GPAM: variants seen among roughly 807,000 people sequenced by gnomAD.
GPAM encodes glycerol-3-phosphate acyltransferase, mitochondrial.
A neutral mutation model predicts 105.0 loss-of-function variants in GPAM; 56 were observed. The ratio of observed to expected loss-of-function variants is 0.53; its 90% confidence interval spans 0.43 to 0.67. GPAM has a LOEUF of 0.67. GPAM is among the 30% of genes least tolerant of loss of function. The probability of loss-of-function intolerance (pLI) is 0.00; values close to 1 mark genes in which losing one functional copy is unlikely to be tolerated. For missense variants in GPAM, 855 were observed against 989.8 expected (o/e 0.86, Z 1.83); for synonymous variants, 368 against 354.4 (o/e 1.04, Z -0.43).
At chr10:112,209,325 TAG>T (rs1847885276) in intron 1 of GPAM, among the ~76,000 whole-genome samples, 2 of 151,624 alleles carry the variant, frequency 1.3e-5, no homozygotes, top group African/African-American at 4.9e-5. Context: ...ATCGGATGAT[TAG>T]AGAGCACATT....
chr10:112,159,216 CTTTTTT>C (rs35513817), intron 17 of GPAM, among the ~76,000 whole-genome samples: 3 of 86,984 alleles, frequency 3.4e-5, no homozygotes, highest in Non-Finnish European at 6.5e-5. Flanking sequence ...AGATGATTTT[CTTTTTT>C]TTTTTTTTTT....
At chr10:112,215,050 C>G (rs1289422235) in intron 1 of GPAM, 1 of 152,258 alleles carries the variant, frequency 6.6e-6, no homozygotes. Flanking sequence ...TTTCTTCTTC[C>G]TACTGTGTCT....
intron 16 of GPAM, chr10:112,160,377 T>A (rs1325448410): frequency 2.4e-5 from 23 of 971,340 alleles, no homozygotes; most frequent in Non-Finnish European, 2.8e-5. Context: ...CAAGACACTC[T>A]ACCTCTCCTG....
chr10:112,153,177 G>T lies in GPAM; in HGVS notation c.*373C>A. The T allele has an allele frequency of 9.1e-7, 1 of 1,100,136 alleles. No homozygotes were observed. Among genetic ancestry groups the T allele is most frequent in the Non-Finnish European group, 1.1e-6 (1 of 895,016 alleles). The allele number at this position is 1,100,136 out of a possible 1,614,324, so 68.1% of individuals were successfully genotyped here. A position where few individuals can be genotyped will look rare whatever the true frequency, so the allele number is the denominator to read the frequency against. ...TACCCAGCAGCACTAAGTATACCAT[G>T]TAAGATTCAGTTCCAGAACACAGCT... On this transcript the variant is annotated 3_prime_UTR_variant, in exon 22 of 22. Coordinates refer to ENST00000348367, the MANE Select transcript of GPAM (RefSeq NM_001244949.2).
chr10:112,186,607 C>T (rs191841557), upstream of GPAM, among the ~76,000 whole-genome samples: 4 of 152,114 alleles, frequency 2.6e-5, no homozygotes, highest in East Asian at 3.9e-4. Flanking sequence ...GGTGCAGTGG[C>T]GTGATCTCAG....
chr10:112,170,662 T>A (rs200842358), intron 9 of GPAM, among the ~76,000 whole-genome samples: 1 of 119,560 alleles, frequency 8.4e-6, no homozygotes, highest in Admixed American at 9.4e-5. Context: ...CCCGGTTCCT[T>A]GTTCCTGGAG....
intron 1 of GPAM, among the ~76,000 whole-genome samples, chr10:112,212,157 C>A (rs1378134594): frequency 6.6e-6 from 1 of 152,162 alleles, no homozygotes; most frequent in Non-Finnish European, 1.5e-5. Flanking sequence ...GGCTGAGGAC[C>A]ACTAAGCAGG....
At chr10:112,202,975 G>A (rs1454510667) in intron 1 of GPAM, among the ~76,000 whole-genome samples, 1 of 152,206 alleles carries the variant, frequency 6.6e-6, no homozygotes, top group East Asian at 1.9e-4. Context: ...CTGGGAGTCA[G>A]GGGCTGAACT....
In GPAM at chr10:112,164,612, T is replaced by C. The variant is rs1165447614; in HGVS notation, c.1222-2A>G. 1.3e-6 allele frequency: 2 copies of C among 1,556,612 alleles called. No homozygotes were observed. The highest frequency in any genetic ancestry group is 1.8e-6 in the Non-Finnish European group (2 of 1,128,096). The stretch of plus-strand genomic sequence containing the variant: ...CTGACTTTGGCTTTCTAAATATTCC[T>C]GGAGAAAAAAACACAACATGATCAT... On this transcript the variant is annotated splice_acceptor_variant, in intron 12 of 21. Transcript: ENST00000348367. LOFTEE classifies it high-confidence loss of function.
intron 1 of GPAM, among the ~76,000 whole-genome samples, chr10:112,203,873 G>A (rs1250384163): frequency 5.3e-5 from 8 of 152,324 alleles, no homozygotes; most frequent in African/African-American, 1.7e-4. Flanking sequence ...GGCAGAGTCT[G>A]TTTTTTAAAG....
At chr10:112,159,842 C>T (rs889103391) in intron 17 of GPAM, 69 bp downstream of exon 17, 16 of 1,471,882 alleles carry the variant, frequency 1.1e-5, no homozygotes, top group Admixed American at 3.3e-5. Context: ...CAGAAAAACA[C>T]GGGGGGTTAC....
At chr10:112,197,594 A>G (rs906179384) in intron 1 of GPAM, among the ~76,000 whole-genome samples, 95 of 149,310 alleles carry the variant, frequency 6.4e-4, no homozygotes, top group African/African-American at 2.1e-3. Context: ...CCACTAACTC[A>G]TCATCTAGCA....
the GPAM span, among the ~76,000 whole-genome samples, chr10:112,226,996 ACT>A: frequency 6.6e-6 from 1 of 151,774 alleles, no homozygotes; most frequent in African/African-American, 2.4e-5. Flanking sequence ...ATGTTCCAAG[ACT>A]CTTTTACATT....
chr10:112,186,583 G>A (rs763162034), upstream of GPAM, among the ~76,000 whole-genome samples: 1 of 152,012 alleles, frequency 6.6e-6, no homozygotes, highest in Non-Finnish European at 1.5e-5. Context: ...CTGTCACCCA[G>A]GCTGGAGTGC....
intron 2 of GPAM, among the ~76,000 whole-genome samples, chr10:112,182,435 T>TATAC (rs1173186899): frequency 1.3e-5 from 2 of 152,252 alleles, no homozygotes; most frequent in Non-Finnish European, 2.9e-5. Flanking sequence ...ATCTGATGTA[T>TATAC]AAGTTTTCAT....
Position 112,150,182 on chromosome 10 carries a change from G to GT in GPAM, c.*3367dup. The GT allele has an allele frequency of 5.1e-6, 5 of 985,088 alleles. No individual in the cohort carries two copies. Among genetic ancestry groups the GT allele is most frequent in the Non-Finnish European group, 4.8e-6 (4 of 829,626 alleles). 61.0% of individuals were successfully genotyped at this position (985,088 alleles called of 1,614,324 possible). On this transcript the variant is annotated 3_prime_UTR_variant, in exon 22 of 22. Coordinates refer to ENST00000348367, the MANE Select transcript of GPAM (RefSeq NM_001244949.2). ...CGGCAAGTCTCAGGTTTCTAAAATA[G>GT]TTTTAAAAAACAGGTTTACAGCCCA...
rs771536926 is a variant in GPAM at position 112,164,526 on chromosome 10, T to C, written c.1306A>G (p.Arg436Gly). Residue 436 changes from arginine to glycine, a missense_variant and splice_region_variant, in exon 13 of 22, where the codon AGA becomes GGA. Coordinates refer to ENST00000348367, the MANE Select transcript of GPAM (RefSeq NM_001244949.2). ...QALLPAILPSRPSDAADEGRD... is the reference protein window; with the variant it reads ...QALLPAILPSGPSDAADEGRD... Reference sequence around the variant, plus strand: ...ATTAAACAATTCTACAAATTTTACCTTGAAGGAAGTATAGCTGGTAACAAC... The same window carrying C: ...ATTAAACAATTCTACAAATTTTACCCTGAAGGAAGTATAGCTGGTAACAAC... 6.6e-7 allele frequency: 1 copy of C among 1,519,094 alleles called. No individual in the cohort carries two copies. The highest frequency in any genetic ancestry group is 9.1e-7 in the Non-Finnish European group (1 of 1,093,420). The allele number at this position is 1,519,094 out of a possible 1,614,324, so 94.1% of individuals were successfully genotyped here. A position where few individuals can be genotyped will look rare whatever the true frequency, so the allele number is the denominator to read the frequency against.
At chr10:112,157,519 G>T in intron 18 of GPAM, 130 bp from the exon 19 acceptor site, 1 of 812,272 alleles carries the variant, frequency 1.2e-6, no homozygotes, top group Non-Finnish European at 2.0e-6. Context: ...CACTCATAAT[G>T]TCAGTCCACT....
chr10:112,157,485 C>G (rs1847039253), intron 18 of GPAM, 96 bp from the exon 19 acceptor site: 1 of 1,071,260 alleles, frequency 9.3e-7, no homozygotes, highest in Non-Finnish European at 1.4e-6. Flanking sequence ...TTCTCTGACC[C>G]TTCCTGGCTC....
Sources: gnomAD v4.1 joint callset for allele counts (sites outside exome capture counted in the v4.1 genomes callset) on GRCh38, gnomAD v4.1.1 for gene constraint, MANE v1.5 for transcripts, NCBI Gene and HGNC (gene_info 2026-07-23, HGNC 2026-07-21) for gene names.